DHRSX: variants seen among roughly 807,000 people sequenced by gnomAD.
DHRSX encodes dehydrogenase/reductase X-linked, also known as polyprenol dehydrogenase.
DHRSX carries 31 observed loss-of-function variants against 34.0 expected under a neutral mutation model. That is an observed-to-expected ratio of 0.91 (90% CI 0.69 to 1.23). The LOEUF (loss-of-function observed/expected upper bound fraction) is 1.23, where lower values mean the gene tolerates loss of function less well. DHRSX is among the 50% of genes most tolerant of loss of function. DHRSX has a pLI of 0.00. For missense variants in DHRSX, 414 were observed against 428.1 expected, an observed-to-expected ratio of 0.97 and a Z score of 0.29; for synonymous variants, 201 against 183.8, an observed-to-expected ratio of 1.09 and a Z score of -0.76.
intron 4 of DHRSX, among the ~76,000 whole-genome samples, chrX:2,270,651 C>G (rs2041538096): frequency 6.6e-6 from 1 of 152,116 alleles, no homozygotes; most frequent in Admixed American, 6.6e-5. Flanking sequence ...TGGCTGTAGC[C>G]TCCACAGTGC....
chrX:2,322,675 C>T (rs1362085177), intron 3 of DHRSX, among the ~76,000 whole-genome samples: 1 of 65,630 alleles, frequency 1.5e-5, no homozygotes, highest in Non-Finnish European at 3.3e-5. Flanking sequence ...CGCCACCACG[C>T]CCGGCTAAAA....
At chrX:2,246,706 G>GAAAGAAAGAAAGAA (rs1435900895) in intron 5 of DHRSX, among the ~76,000 whole-genome samples, 53 of 107,506 alleles carry the variant, frequency 4.9e-4, no homozygotes, top group African/African-American at 1.6e-3. Flanking sequence ...AAGAAAGAAA[G>GAAAGAAAGAAAGAA]AGAAAGAAAG....
intron 5 of DHRSX, among the ~76,000 whole-genome samples, chrX:2,247,000 G>A (rs1468938711): frequency 1.3e-5 from 2 of 152,150 alleles, no homozygotes; most frequent in South Asian, 2.1e-4. Context: ...CCAGGCTGGA[G>A]TGCAGTGGCG....
At chrX:2,368,343 C>T (rs919294059) in intron 3 of DHRSX, among the ~76,000 whole-genome samples, 14 of 151,892 alleles carry the variant, frequency 9.2e-5, no homozygotes, top group African/African-American at 2.4e-4. Context: ...AAGTCACATA[C>T]GTAATTTATA....
At chrX:2,263,566 T>G (rs1287012839) in intron 5 of DHRSX, among the ~76,000 whole-genome samples, 1 of 148,594 alleles carries the variant, frequency 6.7e-6, no homozygotes, top group Non-Finnish European at 1.5e-5. Context: ...CCGGCTGGAG[T>G]GCAGTGGCGT....
At chrX:2,224,811 AACTC>A (rs2015603778) in intron 6 of DHRSX, among the ~76,000 whole-genome samples, 1 of 150,950 alleles carries the variant, frequency 6.6e-6, no homozygotes, top group African/African-American at 2.4e-5. Context: ...CATGTACACA[AACTC>A]ACATGAACAC....
intron 4 of DHRSX, among the ~76,000 whole-genome samples, chrX:2,276,258 A>G (rs1348164215): frequency 2.0e-5 from 3 of 152,184 alleles, no homozygotes; most frequent in Non-Finnish European, 1.5e-5. Flanking sequence ...CAGCAAATAT[A>G]CTGATGTTTC....
intron 5 of DHRSX, among the ~76,000 whole-genome samples, chrX:2,258,680 T>C (rs1238362220): frequency 6.6e-6 from 1 of 152,184 alleles, no homozygotes; most frequent in South Asian, 2.1e-4. Context: ...TATTTTATTA[T>C]GGCAGCCCCA....
intron 1 of DHRSX, among the ~76,000 whole-genome samples, chrX:2,448,913 G>T (rs946923652): frequency 1.1e-4 from 17 of 152,304 alleles, no homozygotes; most frequent in Non-Finnish European, 1.8e-4. Flanking sequence ...ACTGGGCCGG[G>T]CGCGGTGGCT....
At chrX:2,412,588 G>C (rs1406783977) in intron 2 of DHRSX, among the ~76,000 whole-genome samples, 1 of 151,366 alleles carries the variant, frequency 6.6e-6, no homozygotes, top group Non-Finnish European at 1.5e-5. Context: ...CCTCTGTATA[G>C]ATCCAAAGGA....
In DHRSX at chrX:2,220,364, GTAATA is replaced by G. The variant is rs1344999015; in HGVS notation, c.*672_*676del. 4 of 152,154 alleles carry G rather than the reference GTAATA, an allele frequency of 2.6e-5. No homozygotes were observed. Among genetic ancestry groups the G allele is most frequent in the African/African-American group, 7.2e-5 (3 of 41,428 alleles). 9.4% of individuals were successfully genotyped at this position (152,154 alleles called of 1,614,324 possible). A position where few individuals can be genotyped will look rare whatever the true frequency, so the allele number is the denominator to read the frequency against. On this transcript the variant is annotated 3_prime_UTR_variant, in exon 7 of 7. Transcript: ENST00000334651. The stretch of plus-strand genomic sequence containing the variant: ...CTGCAAAGATTCTTTTCCAAATAAA[GTAATA>G]TTTATAGGTTCTGAGGGTTAGGGCA...
chrX:2,480,167 A>G (rs1327350194), intron 1 of DHRSX, among the ~76,000 whole-genome samples: 2 of 152,092 alleles, frequency 1.3e-5, no homozygotes, highest in East Asian at 1.9e-4. Context: ...TAGACACACA[A>G]TGGAATAGTA....
At chrX:2,302,663 A>G (rs768362769) in intron 3 of DHRSX, among the ~76,000 whole-genome samples, 1 of 152,202 alleles carries the variant, frequency 6.6e-6, no homozygotes, top group African/African-American at 2.4e-5. Context: ...ATGATGGTAC[A>G]CACACTCCTG....
intron 2 of DHRSX, among the ~76,000 whole-genome samples, chrX:2,420,747 T>TA (rs765366814): frequency 1.5e-4 from 20 of 137,872 alleles, no homozygotes; most frequent in South Asian, 4.7e-4. Flanking sequence ...CATGTCAAAG[T>TA]AAAAAAAAAA....
At chrX:2,269,341 ACAT>A (rs2041518338) in intron 4 of DHRSX, among the ~76,000 whole-genome samples, 1 of 152,148 alleles carries the variant, frequency 6.6e-6, no homozygotes, top group African/African-American at 2.4e-5. Flanking sequence ...GCAAGTGCAC[ACAT>A]TTTTTATATG....
At chrX:2,411,852 C>A (rs185935348) in intron 2 of DHRSX, among the ~76,000 whole-genome samples, 1 of 152,220 alleles carries the variant, frequency 6.6e-6, no homozygotes, top group African/African-American at 2.4e-5. Context: ...AAGCTGGGAG[C>A]ATCAAAAAAA....
chrX:2,353,647 G>A (rs1323746843), intron 3 of DHRSX, among the ~76,000 whole-genome samples: 5 of 150,204 alleles, frequency 3.3e-5, no homozygotes, highest in Admixed American at 6.7e-5. Flanking sequence ...GCAATGGCGC[G>A]ATCTCGGCTC....
At chrX:2,286,754 A>G (rs1307331847) in intron 4 of DHRSX, among the ~76,000 whole-genome samples, 1 of 152,202 alleles carries the variant, frequency 6.6e-6, no homozygotes, top group African/African-American at 2.4e-5. Flanking sequence ...CCCAGGGACA[A>G]GATGAACCTT....
chrX:2,243,014 G>A lies in DHRSX; in HGVS notation c.804+9C>T, dbSNP rs2062566590. 3 of 1,611,268 alleles carry A rather than the reference G, an allele frequency of 1.9e-6. No homozygotes were observed. The highest frequency in any genetic ancestry group is 2.5e-6 in the Non-Finnish European group (3 of 1,177,988). On this transcript the variant is annotated intron_variant, in intron 6 of 6. Coordinates refer to ENST00000334651, the MANE Select transcript of DHRSX (RefSeq NM_145177.3). ...GCAGCCGTGAATCAGAGAAGCAGAA[G>A]GGGCTTACCTTGAAAAGCAACCAGC...
Sources: allele counts gnomAD v4.1 joint callset (sites outside exome capture counted in the v4.1 genomes callset), GRCh38; gene constraint gnomAD v4.1.1; transcripts MANE v1.5; gene names NCBI Gene and HGNC (gene_info 2026-07-23, HGNC 2026-07-21).